The following ZFHX3 variants were observed in gnomAD, a reference collection of about 807,000 sequenced individuals.
ZFHX3 encodes zinc finger homeobox protein 3.
Under a neutral mutation model 279.1 loss-of-function variants are expected in ZFHX3, and 42 were observed. That is an observed-to-expected ratio of 0.15 (90% CI 0.12 to 0.19). ZFHX3 has a LOEUF of 0.19. Among genes scored for constraint, ZFHX3 ranks in the 10% least tolerant of loss-of-function variants. The probability of loss-of-function intolerance (pLI) is 1.00; values close to 1 mark genes in which losing one functional copy is unlikely to be tolerated. For missense variants in ZFHX3, 4,981 were observed against 4,754.0 expected (o/e 1.05, Z -1.40); for synonymous variants, 2,293 against 1,957.8 (o/e 1.17, Z -4.52).
In ZFHX3 at chr16:72,998,519, A is replaced by G. The variant is rs142211793; in HGVS notation, c.-49-38325T>C. ...AACGTAATCGATCTAGGTTTTATTA[A>G]GACAGTTTCCCCTTGTTTTCCTACT... On this transcript the variant is annotated intron_variant, in intron 1 of 9. Transcript: ENST00000268489. 1.5e-3 allele frequency among the ~76,000 whole-genome samples: 234 copies of G among 152,358 alleles called. 2 individuals are homozygous for G. Among genetic ancestry groups the G allele is most frequent in the African/African-American group, 5.4e-3 (226 of 41,582 alleles).
chr16:73,509,479 A>T (rs1011638532), intron 2 of ZFHX3, among the ~76,000 whole-genome samples: 156 of 113,366 alleles, frequency 1.4e-3, no homozygotes, highest in African/African-American at 4.8e-3. Flanking sequence ...CCTTCTTACC[A>T]CTCCCACCTT....
chr16:73,078,062 C>A lies in ZFHX3; in HGVS notation c.-533+15173G>T, dbSNP rs529451403. 8.9e-4 allele frequency among the ~76,000 whole-genome samples: 136 copies of A among 152,300 alleles called. 2 individuals are homozygous for A. Among genetic ancestry groups the A allele is most frequent in the African/African-American group, 3.1e-3 (128 of 41,556 alleles). The stretch of plus-strand genomic sequence containing the variant: ...TTGGGTGGTCCACCTGCTTCGGCCT[C>A]CTAAAATTCTGGGACTACAGGCGTG... On this transcript the variant is annotated intron_variant, in intron 8 of 17. Transcript: ENST00000641206.
At chr16:73,545,871 G>A (rs2020099972) in intron 2 of ZFHX3, among the ~76,000 whole-genome samples, 4 of 151,872 alleles carry the variant, frequency 2.6e-5, no homozygotes, top group Admixed American at 2.6e-4. Flanking sequence ...TAATTTGGCT[G>A]AACAACAAGA....
At chr16:72,814,729 T>A (rs1352457349) in intron 5 of ZFHX3, among the ~76,000 whole-genome samples, 1 of 152,182 alleles carries the variant, frequency 6.6e-6, no homozygotes, top group East Asian at 1.9e-4. Flanking sequence ...TGCTCACTCA[T>A]TTTTCTTTCT....
chr16:72,903,524 G>A (rs2039092437), intron 3 of ZFHX3, among the ~76,000 whole-genome samples: 1 of 152,164 alleles, frequency 6.6e-6, no homozygotes, highest in African/African-American at 2.4e-5. Context: ...AAATAGTCCA[G>A]ATGCCCAAGA....
chr16:73,579,108 C>T (rs1430169911), intron 2 of ZFHX3, among the ~76,000 whole-genome samples: 1 of 152,192 alleles, frequency 6.6e-6, no homozygotes, highest in African/African-American at 2.4e-5. Context: ...GTGATAAAAC[C>T]TTAGTCTCCA....
At chr16:73,740,089 C>A (rs558400737) in intron 1 of ZFHX3, among the ~76,000 whole-genome samples, 2 of 152,282 alleles carry the variant, frequency 1.3e-5, no homozygotes, top group African/African-American at 4.8e-5. Flanking sequence ...CGGTTCCTTG[C>A]AGCCTGGAGG....
At chr16:73,847,012 CCTTAAGGG>C (rs1255478260) in intron 1 of ZFHX3, among the ~76,000 whole-genome samples, 8 of 152,094 alleles carry the variant, frequency 5.3e-5, no homozygotes, top group African/African-American at 1.7e-4. Flanking sequence ...CTTTAAAAGC[CCTTAAGGG>C]GCCAGGCACA....
At chr16:73,731,470 T>TA (rs1361073329) in intron 1 of ZFHX3, among the ~76,000 whole-genome samples, 1 of 152,148 alleles carries the variant, frequency 6.6e-6, no homozygotes, top group African/African-American at 2.4e-5. Context: ...AAGGGTGTTT[T>TA]TTTTTTTGTT....
At chr16:73,656,192 T>C (rs1208063526) in intron 2 of ZFHX3, among the ~76,000 whole-genome samples, 1 of 152,206 alleles carries the variant, frequency 6.6e-6, no homozygotes, top group African/African-American at 2.4e-5. Flanking sequence ...CAAGCTGCGA[T>C]AGCAGAACTG....
chr16:73,407,479 G>A (rs2017384335), intron 3 of ZFHX3, among the ~76,000 whole-genome samples: 2 of 152,180 alleles, frequency 1.3e-5, no homozygotes, highest in Admixed American at 6.5e-5. Context: ...AGTAGTCCAA[G>A]AAGGTGTCAC....
chr16:72,899,036 C>A (rs1202839691), intron 3 of ZFHX3, among the ~76,000 whole-genome samples: 1 of 152,200 alleles, frequency 6.6e-6, no homozygotes. Flanking sequence ...CCTAGAGCTT[C>A]CAGAATCTGA....
At chr16:73,867,489 C>G (rs1962055541) in intron 1 of ZFHX3, among the ~76,000 whole-genome samples, 1 of 152,216 alleles carries the variant, frequency 6.6e-6, no homozygotes, top group African/African-American at 2.4e-5. Flanking sequence ...TGGAGTCAAT[C>G]ACAATCTCAG....
chr16:73,210,084 T>A (rs534883908), intron 5 of ZFHX3, among the ~76,000 whole-genome samples: 95 of 152,326 alleles, frequency 6.2e-4, no homozygotes, highest in African/African-American at 2.1e-3. Context: ...AAGGTAAGAA[T>A]TATTCTGGCT....
At chr16:73,118,493 C>T (rs144252277) in intron 7 of ZFHX3, among the ~76,000 whole-genome samples, 75 of 139,084 alleles carry the variant, frequency 5.4e-4, no homozygotes, top group African/African-American at 1.7e-3. Context: ...CAGGTGTGAG[C>T]CACCATGCCT....
intron 5 of ZFHX3, among the ~76,000 whole-genome samples, chr16:73,155,432 A>T (rs1967054638): frequency 6.6e-6 from 1 of 152,198 alleles, no homozygotes; most frequent in South Asian, 2.1e-4. Flanking sequence ...CCCTTGCCCC[A>T]ATCCCTCAGC....
At chr16:72,914,065 G>A (rs1373057915) in intron 3 of ZFHX3, among the ~76,000 whole-genome samples, 2 of 152,186 alleles carry the variant, frequency 1.3e-5, no homozygotes, top group African/African-American at 2.4e-5. Flanking sequence ...GGACAGAGGC[G>A]GGATCTGAAC....
At chr16:73,179,569 T>A (rs1176898495) in intron 5 of ZFHX3, among the ~76,000 whole-genome samples, 3 of 152,114 alleles carry the variant, frequency 2.0e-5, no homozygotes, top group African/African-American at 7.2e-5. Flanking sequence ...TCCAACCCCA[T>A]TTTTGTAGAG....
chr16:73,125,431 T>C (rs1966553318), intron 7 of ZFHX3: 1 of 152,118 alleles, frequency 6.6e-6, no homozygotes, highest in Non-Finnish European at 1.5e-5. Flanking sequence ...TTGATTGGAT[T>C]GAAGGATATA....
Sources: gnomAD v4.1 joint callset for allele counts (sites outside exome capture counted in the v4.1 genomes callset) on GRCh38, gnomAD v4.1.1 for gene constraint, MANE v1.5 for transcripts, NCBI Gene and HGNC (gene_info 2026-07-23, HGNC 2026-07-21) for gene names.